Variants in AKT3 observed in about 807,000 individuals in gnomAD.
The protein encoded by AKT3 is RAC-gamma serine/threonine-protein kinase.
A neutral mutation model predicts 65.3 loss-of-function variants in AKT3; 15 were observed. The observed-to-expected ratio is 0.23, with a 90% confidence interval of 0.15 to 0.35. The LOEUF is 0.35. Among genes scored for constraint, AKT3 ranks in the 10% least tolerant of loss-of-function variants. The pLI is 1.00. For missense variants in AKT3, 243 were observed against 576.5 expected (o/e 0.42, Z 5.92); for synonymous variants, 206 against 183.8 (o/e 1.12, Z -0.98).
At chr1:243,684,214 T>C (rs1684123118) in intron 3 of AKT3, among the ~76,000 whole-genome samples, 1 of 152,140 alleles carries the variant, frequency 6.6e-6, no homozygotes, top group African/African-American at 2.4e-5. Flanking sequence ...ACGTGCAGGT[T>C]TGTTACATAG....
At chr1:243,642,573 T>A (rs969631663) in intron 5 of AKT3, among the ~76,000 whole-genome samples, 1 of 152,188 alleles carries the variant, frequency 6.6e-6, no homozygotes, top group Non-Finnish European at 1.5e-5. Flanking sequence ...CCTCCCAAAG[T>A]GCTGGGATTA....
At chr1:243,789,039 G>A (rs1691448009) in intron 2 of AKT3, among the ~76,000 whole-genome samples, 1 of 152,142 alleles carries the variant, frequency 6.6e-6, no homozygotes, top group South Asian at 2.1e-4. Context: ...TCTTCTCAAG[G>A]AGTAGAATCC....
chr1:243,749,188 A>C (rs567755746), intron 2 of AKT3, among the ~76,000 whole-genome samples: 5 of 152,204 alleles, frequency 3.3e-5, no homozygotes, highest in African/African-American at 1.2e-4. Flanking sequence ...ACATCTTATC[A>C]GTCTCCATCC....
At chr1:243,830,750 C>A (rs1410143776) in intron 2 of AKT3, among the ~76,000 whole-genome samples, 1 of 152,118 alleles carries the variant, frequency 6.6e-6, no homozygotes, top group Non-Finnish European at 1.5e-5. Context: ...GCAAAAATTA[C>A]CCTTAAAATA....
chr1:243,695,737 T>TGG (rs1361321931), intron 2 of AKT3, 21 bp from the exon 3 acceptor site: 2 of 1,562,038 alleles, frequency 1.3e-6, no homozygotes, highest in South Asian at 2.4e-5. Flanking sequence ...AAAGCACGCA[T>TGG]GTTAATGCTG....
At chr1:243,495,385 A>G (rs1667554372), downstream of AKT3, among the ~76,000 whole-genome samples, 1 of 152,216 alleles carries the variant, frequency 6.6e-6, no homozygotes, top group Non-Finnish European at 1.5e-5. Flanking sequence ...CTCGGAGCCC[A>G]GAAGCAGCAA....
chr1:243,630,717 C>G (rs1679543752), intron 6 of AKT3, among the ~76,000 whole-genome samples: 1 of 152,104 alleles, frequency 6.6e-6, no homozygotes, highest in Non-Finnish European at 1.5e-5. Context: ...ATCAACTATA[C>G]CATTTCTTTT....
At chr1:243,531,958 G>T (rs932402360) in intron 12 of AKT3, among the ~76,000 whole-genome samples, 2 of 152,086 alleles carry the variant, frequency 1.3e-5, no homozygotes, top group Non-Finnish European at 2.9e-5. Context: ...GCTTGCTTTT[G>T]CATCCTGCAA....
intron 1 of AKT3, among the ~76,000 whole-genome samples, chr1:243,846,661 A>T: frequency 6.6e-6 from 1 of 152,306 alleles, no homozygotes; most frequent in East Asian, 1.9e-4. Context: ...CATTTTAAAC[A>T]AATGAAAGGT....
intron 3 of AKT3, among the ~76,000 whole-genome samples, chr1:243,666,060 G>C (rs1206695608): frequency 1.3e-5 from 2 of 152,060 alleles, no homozygotes; most frequent in Admixed American, 1.3e-4. Context: ...CTGGAGTGCA[G>C]TGGCGCGATC....
chr1:243,775,947 CATAGAT>C (rs1690517064), intron 2 of AKT3, among the ~76,000 whole-genome samples: 1 of 152,140 alleles, frequency 6.6e-6, no homozygotes, highest in African/African-American at 2.4e-5. Flanking sequence ...TTAAAGGCCA[CATAGAT>C]ATAAAGAACA....
intron 6 of AKT3, among the ~76,000 whole-genome samples, chr1:243,632,024 A>G (rs570181781): frequency 6.6e-6 from 1 of 152,118 alleles, no homozygotes; most frequent in Non-Finnish European, 1.5e-5. Flanking sequence ...ATTGGAATCA[A>G]CTTCTTACAC....
In AKT3 at chr1:243,784,490, C is replaced by T. The variant is rs545420780; in HGVS notation, c.46+58635G>A. Among the ~76,000 whole-genome samples the T allele has an allele frequency of 5.0e-4, 76 of 151,780 alleles. 4 individuals are homozygous for T. In the South Asian group the frequency reaches 0.015, roughly 30 times the overall value. ...TTAGGTCCTAAATTGAATATTTATT[C>T]AGAATAAGAAAGGAAACGACATCAA... On this transcript the variant is annotated intron_variant, in intron 2 of 13. Coordinates refer to ENST00000673466, the MANE Select transcript of AKT3 (RefSeq NM_005465.7).
chr1:243,727,152 C>T (rs1403728222), intron 2 of AKT3, among the ~76,000 whole-genome samples: 1 of 152,176 alleles, frequency 6.6e-6, no homozygotes, highest in Non-Finnish European at 1.5e-5. Context: ...GCTGAATACA[C>T]ATTGTGGGTC....
In AKT3 at chr1:243,845,789, A is replaced by C. The variant is rs571257647; in HGVS notation, c.-112-2507T>G. Among the ~76,000 whole-genome samples, 3 of 152,188 alleles carry C rather than the reference A, an allele frequency of 2.0e-5. No homozygotes were observed. The South Asian group carries it at 6.2e-4, about 32-fold the overall frequency. On this transcript the variant is annotated intron_variant, in intron 1 of 13. Coordinates refer to ENST00000673466, the MANE Select transcript of AKT3 (RefSeq NM_005465.7). ...AATCAGCTTGACAGAATTTACCCCCAGATTAAACTGAGCTACCCAATAGGT... is the reference window on the plus strand; with the variant it reads ...AATCAGCTTGACAGAATTTACCCCCCGATTAAACTGAGCTACCCAATAGGT...
At chr1:243,508,537 C>T (rs1669812426) in intron 13 of AKT3, among the ~76,000 whole-genome samples, 2 of 152,110 alleles carry the variant, frequency 1.3e-5, no homozygotes, top group African/African-American at 4.8e-5. Context: ...CCCCACCCCT[C>T]AATTGCGGTG....
chr1:243,643,769 A>C (rs896622491), intron 5 of AKT3, among the ~76,000 whole-genome samples: 1 of 152,246 alleles, frequency 6.6e-6, no homozygotes, highest in Non-Finnish European at 1.5e-5. Context: ...TCCTATTGCC[A>C]TTTGGCAAAA....
chr1:243,499,995 G>GTATGTT lies in AKT3; in HGVS notation c.*5248_*5253dup. On this transcript the variant is annotated 3_prime_UTR_variant, in exon 14 of 14. Transcript: ENST00000673466. ...ACTCTAGCTGAGCAGAGCTCCTGGT[G>GTATGTT]TATGTTTTCAGAAATGGCTTGAAGT... 3.3e-6 allele frequency: 2 copies of GTATGTT among 599,780 alleles called. No homozygotes were observed. Among genetic ancestry groups the GTATGTT allele is most frequent in the Non-Finnish European group, 6.0e-6 (2 of 335,660 alleles). The allele number at this position is 599,780 out of a possible 1,614,324, so 37.2% of individuals were successfully genotyped here.
intron 8 of AKT3, chr1:243,613,076 T>TACAC (rs1196629265): frequency 3.4e-5 from 3 of 89,546 alleles, no homozygotes; most frequent in Admixed American, 1.2e-4. Context: ...TATATATATA[T>TACAC]ACACACACAC....
Sources: allele counts gnomAD v4.1 joint callset (sites outside exome capture counted in the v4.1 genomes callset), GRCh38; gene constraint gnomAD v4.1.1; transcripts MANE v1.5; gene names NCBI Gene and HGNC (gene_info 2026-07-23, HGNC 2026-07-21).